ARK2C: variants seen among roughly 807,000 people sequenced by gnomAD.
ARK2C encodes E3 ubiquitin-protein ligase ARK2C.
At chr18:46,382,083 T>C in the ARK2C span, among the ~76,000 whole-genome samples, 2 of 152,178 alleles carry the variant, frequency 1.3e-5, no homozygotes, top group Non-Finnish European at 2.9e-5. Flanking sequence ...TGGGCATCTG[T>C]AGAGCCAGGT....
At chr18:46,456,807 T>G in the ARK2C span, 6 of 604,174 alleles carry the variant, frequency 9.9e-6, no homozygotes, top group South Asian at 1.1e-4. Context: ...AGGAGGGGGT[T>G]GGGGAGGACC....
the ARK2C span, among the ~76,000 whole-genome samples, chr18:46,408,632 T>G: frequency 1.3e-5 from 2 of 152,206 alleles, no homozygotes; most frequent in Non-Finnish European, 2.9e-5. Context: ...GGAGGGACAC[T>G]TAACAGAGTT....
chr18:46,444,162 T>C, the ARK2C span, among the ~76,000 whole-genome samples: 61 of 152,232 alleles, frequency 4.0e-4, no homozygotes, highest in East Asian at 9.8e-3. Flanking sequence ...GGTCTTTTGT[T>C]CTTTCACTAT....
At chr18:46,393,563 A>G in the ARK2C span, among the ~76,000 whole-genome samples, 1 of 152,010 alleles carries the variant, frequency 6.6e-6, no homozygotes, top group Non-Finnish European at 1.5e-5. Context: ...ATAGGACTGG[A>G]GCTGGCCCTT....
At chr18:46,427,602 T>C in the ARK2C span, among the ~76,000 whole-genome samples, 7 of 152,174 alleles carry the variant, frequency 4.6e-5, no homozygotes, top group Non-Finnish European at 8.8e-5. Context: ...TCTTTCCCGT[T>C]CCGTTTCAAA....
chr18:46,347,519 G>A, the ARK2C span, among the ~76,000 whole-genome samples: 2 of 152,142 alleles, frequency 1.3e-5, no homozygotes, highest in Non-Finnish European at 2.9e-5. Context: ...CCTCTGAAGC[G>A]GGCAACCCTC....
At chr18:46,392,016 C>A in the ARK2C span, among the ~76,000 whole-genome samples, 1 of 151,852 alleles carries the variant, frequency 6.6e-6, no homozygotes, top group East Asian at 1.9e-4. Flanking sequence ...GCACACAACA[C>A]ACACACCTTA....
At chr18:46,367,024 G>GA in the ARK2C span, among the ~76,000 whole-genome samples, 62 of 152,208 alleles carry the variant, frequency 4.1e-4, no homozygotes, top group African/African-American at 1.4e-3. Flanking sequence ...TAGTTTCCAA[G>GA]AAAAAATCAC....
the ARK2C span, among the ~76,000 whole-genome samples, chr18:46,347,562 G>A: frequency 2.0e-5 from 3 of 152,082 alleles, no homozygotes; most frequent in Admixed American, 6.5e-5. Context: ...TGCAGAAAAG[G>A]GTACTCATTC....
At chr18:46,397,453 G>T in the ARK2C span, among the ~76,000 whole-genome samples, 3,816 of 118,418 alleles carry the variant, frequency 0.032, 199 homozygotes, top group African/African-American at 0.11. Context: ...GGTGTGAGGG[G>T]GTGTGTGTGT....
the ARK2C span, chr18:46,337,351 T>C: frequency 9.1e-6 from 9 of 985,426 alleles, no homozygotes; most frequent in Non-Finnish European, 1.1e-5. Context: ...AAATATCCTT[T>C]TGGTTGTGTA....
the ARK2C span, chr18:46,462,366 CTCTTTA>C: frequency 6.5e-6 from 1 of 152,890 alleles, no homozygotes; most frequent in Non-Finnish European, 1.5e-5. Context: ...TCCTTCTTCC[CTCTTTA>C]CATCACTGCC....
chr18:46,453,366 G>T, the ARK2C span, among the ~76,000 whole-genome samples: 5 of 152,162 alleles, frequency 3.3e-5, no homozygotes, highest in African/African-American at 7.2e-5. Flanking sequence ...CCGGACCAGG[G>T]AGTGTTTACT....
At chr18:46,351,641 T>G in the ARK2C span, among the ~76,000 whole-genome samples, 33 of 152,274 alleles carry the variant, frequency 2.2e-4, no homozygotes, top group Admixed American at 1.6e-3. Context: ...AGGCATCATC[T>G]CTTTGTCCTC....
chr18:46,409,349 A>G, the ARK2C span, among the ~76,000 whole-genome samples: 3 of 152,202 alleles, frequency 2.0e-5, no homozygotes, highest in Non-Finnish European at 4.4e-5. Context: ...CTTCTGAGAA[A>G]GAGGGAAGGA....
At chr18:46,443,958 C>G in the ARK2C span, among the ~76,000 whole-genome samples, 1 of 152,076 alleles carries the variant, frequency 6.6e-6, no homozygotes, top group Non-Finnish European at 1.5e-5. Flanking sequence ...ACTCTCTCAA[C>G]TTTTTGAAAA....
chr18:46,413,388 AG>A, the ARK2C span, among the ~76,000 whole-genome samples: 1 of 152,058 alleles, frequency 6.6e-6, no homozygotes, highest in African/African-American at 2.4e-5. Flanking sequence ...ACAGCCTTGT[AG>A]GGCTTTCCTT....
the ARK2C span, among the ~76,000 whole-genome samples, chr18:46,428,978 T>C: frequency 6.6e-6 from 1 of 152,188 alleles, no homozygotes; most frequent in African/African-American, 2.4e-5. Flanking sequence ...CCCTCTACTG[T>C]GCTTCCCTTT....
the ARK2C span, among the ~76,000 whole-genome samples, chr18:46,343,392 C>G: frequency 6.6e-6 from 1 of 152,232 alleles, no homozygotes; most frequent in Admixed American, 6.5e-5. Context: ...TCCCATCAGT[C>G]AAATGGGCAC....
Sources: allele counts gnomAD v4.1 joint callset (sites outside exome capture counted in the v4.1 genomes callset), GRCh38; gene constraint gnomAD v4.1.1; transcripts MANE v1.5; gene names NCBI Gene and HGNC (gene_info 2026-07-23, HGNC 2026-07-21).